CAMKMT: variants seen among roughly 807,000 people sequenced by gnomAD.
CAMKMT encodes the protein calmodulin-lysine N-methyltransferase.
A neutral mutation model predicts 48.0 loss-of-function variants in CAMKMT; 53 were observed. The ratio of observed to expected loss-of-function variants is 1.10; its 90% CI spans 0.89 to 1.39. The LOEUF is 1.39. Ranked by LOEUF, CAMKMT falls within the 40% of genes most tolerant of loss-of-function variation. CAMKMT has a pLI of 0.00. For missense variants in CAMKMT, 428 were observed against 402.7 expected (o/e 1.06, Z -0.54); for synonymous variants, 165 against 152.3 (o/e 1.08, Z -0.61).
chr2:44,416,568 A>ATTTTTTTTT (rs34882377), intron 3 of CAMKMT, among the ~76,000 whole-genome samples: 6 of 80,274 alleles, frequency 7.5e-5, no homozygotes, highest in African/African-American at 1.5e-4. Flanking sequence ...ACTTAGCATG[A>ATTTTTTTTT]TTTTTTTTTT....
At chr2:44,413,607 G>A (rs1683359868) in intron 3 of CAMKMT, among the ~76,000 whole-genome samples, 1 of 151,124 alleles carries the variant, frequency 6.6e-6, no homozygotes, top group African/African-American at 2.4e-5. Flanking sequence ...AGCCAAGATT[G>A]CGCCACTGCA....
At chr2:44,650,021 G>C (rs984590086) in intron 3 of CAMKMT, among the ~76,000 whole-genome samples, 1 of 152,124 alleles carries the variant, frequency 6.6e-6, no homozygotes, top group East Asian at 1.9e-4. Context: ...TATCTGGTTT[G>C]GTCTTATTTT....
chr2:44,492,520 A>G (rs1390741172), intron 3 of CAMKMT, among the ~76,000 whole-genome samples: 4 of 152,204 alleles, frequency 2.6e-5, no homozygotes, highest in African/African-American at 9.6e-5. Flanking sequence ...TAAGCAATGT[A>G]GGTAAGGTGT....
intron 3 of CAMKMT, among the ~76,000 whole-genome samples, chr2:44,574,762 A>T (rs1038455059): frequency 2.0e-5 from 3 of 152,036 alleles, no homozygotes; most frequent in African/African-American, 7.2e-5. Context: ...ATTAATTGAG[A>T]TGGAGTCTAG....
At chr2:44,663,148 A>C (rs1481536172) in intron 3 of CAMKMT, among the ~76,000 whole-genome samples, 4 of 152,210 alleles carry the variant, frequency 2.6e-5, no homozygotes, top group African/African-American at 4.8e-5. Flanking sequence ...GTATAATACC[A>C]TTATCTAATC....
intron 4 of CAMKMT, among the ~76,000 whole-genome samples, chr2:44,704,657 T>C (rs1677446683): frequency 7.4e-6 from 1 of 134,938 alleles, no homozygotes; most frequent in Non-Finnish European, 1.6e-5. Context: ...GAAGCTCCAA[T>C]CAATCCTTAC....
intron 3 of CAMKMT, among the ~76,000 whole-genome samples, chr2:44,506,265 G>C (rs552940049): frequency 6.6e-6 from 1 of 152,214 alleles, no homozygotes; most frequent in African/African-American, 2.4e-5. Context: ...AATAAGGAAA[G>C]TTGAAATTCA....
At chr2:44,553,758 C>A (rs1572783920) in intron 3 of CAMKMT, among the ~76,000 whole-genome samples, 2 of 152,206 alleles carry the variant, frequency 1.3e-5, no homozygotes, top group African/African-American at 4.8e-5. Flanking sequence ...CTGTTGCATT[C>A]TTTTTCTATT....
At chr2:44,408,403 A>G (rs956519531) in intron 3 of CAMKMT, among the ~76,000 whole-genome samples, 2 of 152,104 alleles carry the variant, frequency 1.3e-5, no homozygotes, top group East Asian at 1.9e-4. Context: ...TAAAATGATA[A>G]TAGTAGCTCT....
intron 3 of CAMKMT, among the ~76,000 whole-genome samples, chr2:44,445,571 T>C (rs1572892329): frequency 6.6e-6 from 1 of 150,504 alleles, no homozygotes; most frequent in South Asian, 2.1e-4. Flanking sequence ...CTGGGAAAAG[T>C]TAATTTCCCA....
intron 3 of CAMKMT, among the ~76,000 whole-genome samples, chr2:44,583,157 A>G (rs1290243986): frequency 2.0e-5 from 3 of 152,146 alleles, no homozygotes; most frequent in Non-Finnish European, 4.4e-5. Context: ...CTTTGTGTAT[A>G]GAAGGAGCTT....
chr2:44,386,722 G>A (rs1186783143), intron 2 of CAMKMT, among the ~76,000 whole-genome samples: 4 of 152,110 alleles, frequency 2.6e-5, no homozygotes, highest in South Asian at 4.2e-4. Flanking sequence ...TGTCATTATT[G>A]TCATTCAGTT....
intron 3 of CAMKMT, among the ~76,000 whole-genome samples, chr2:44,598,806 G>A (rs942644281): frequency 6.6e-6 from 1 of 150,468 alleles, no homozygotes; most frequent in South Asian, 2.1e-4. Context: ...AATAAATAAA[G>A]TCATGGTTTC....
intron 10 of CAMKMT, among the ~76,000 whole-genome samples, chr2:44,770,363 C>G (rs1681052117): frequency 6.6e-6 from 1 of 152,260 alleles, no homozygotes; most frequent in South Asian, 2.1e-4. Flanking sequence ...AACGAAGCCT[C>G]CACTTTGGCC....
chr2:44,423,643 T>C (rs1684078064), intron 3 of CAMKMT, among the ~76,000 whole-genome samples: 1 of 152,246 alleles, frequency 6.6e-6, no homozygotes, highest in South Asian at 2.1e-4. Flanking sequence ...TCATGGACTA[T>C]GAACTGCTGG....
intron 3 of CAMKMT, among the ~76,000 whole-genome samples, chr2:44,533,810 G>C (rs1173774176): frequency 1.3e-5 from 2 of 152,122 alleles, no homozygotes; most frequent in Non-Finnish European, 2.9e-5. Context: ...TAAACAATAA[G>C]AGATGAAGAA....
chr2:44,633,103 A>C (rs771743685), intron 3 of CAMKMT, among the ~76,000 whole-genome samples: 15 of 152,160 alleles, frequency 9.9e-5, no homozygotes, highest in Non-Finnish European at 1.9e-4. Context: ...GAAAATTTTC[A>C]TTCCATTGTC....
At chr2:44,521,530 T>G (rs750180606) in intron 3 of CAMKMT, among the ~76,000 whole-genome samples, 12 of 152,190 alleles carry the variant, frequency 7.9e-5, no homozygotes, top group Non-Finnish European at 1.6e-4. Flanking sequence ...TCACCCGCCT[T>G]GGCCTCCCAA....
chr2:44,610,188 T>C (rs1210777627), intron 3 of CAMKMT, among the ~76,000 whole-genome samples: 1 of 152,114 alleles, frequency 6.6e-6, no homozygotes, highest in Non-Finnish European at 1.5e-5. Context: ...ATTGTGTAAG[T>C]CTCTGAGGAA....
Sources: gnomAD v4.1 joint callset for allele counts (sites outside exome capture counted in the v4.1 genomes callset) on GRCh38, gnomAD v4.1.1 for gene constraint, MANE v1.5 for transcripts, NCBI Gene and HGNC (gene_info 2026-07-23, HGNC 2026-07-21) for gene names.